The following STON2 variants were observed in gnomAD, a reference collection of about 807,000 sequenced individuals.
STON2 encodes the protein stonin-2.
Under a neutral mutation model 65.7 loss-of-function variants are expected in STON2, and 29 were observed. The observed-to-expected ratio is 0.44, with a 90% CI of 0.33 to 0.60. STON2 has a LOEUF of 0.60. Ranked by LOEUF, STON2 falls within the 20% of genes least tolerant of loss-of-function variation. STON2 has a pLI of 0.03. For missense variants in STON2, 1,054 were observed against 1,118.1 expected (o/e 0.94, Z 0.82); for synonymous variants, 404 against 414.2 (o/e 0.98, Z 0.30).
At chr14:81,421,341 A>C (rs1455876595) in intron 2 of STON2, among the ~76,000 whole-genome samples, 1 of 152,264 alleles carries the variant, frequency 6.6e-6, no homozygotes, top group Non-Finnish European at 1.5e-5. Flanking sequence ...GAGTCAGGTC[A>C]GACAGGGCCC....
At chr14:81,383,130 A>G (rs1899614184) in intron 3 of STON2, among the ~76,000 whole-genome samples, 1 of 152,196 alleles carries the variant, frequency 6.6e-6, no homozygotes, top group Non-Finnish European at 1.5e-5. Context: ...GAAGGAATAA[A>G]GTGAAGGAAA....
At chr14:81,386,106 C>T (rs1899789313) in intron 3 of STON2, among the ~76,000 whole-genome samples, 1 of 152,168 alleles carries the variant, frequency 6.6e-6, no homozygotes, top group Non-Finnish European at 1.5e-5. Context: ...GAGACGGCAT[C>T]AGCCCTGAGA....
intron 4 of STON2, among the ~76,000 whole-genome samples, chr14:81,361,726 T>C (rs537746571): frequency 6.6e-6 from 1 of 152,080 alleles, no homozygotes; most frequent in South Asian, 2.1e-4. Flanking sequence ...TTGGAGAAAA[T>C]ATTTGTAAGC....
At chr14:81,352,532 C>T (rs1446847389) in intron 4 of STON2, among the ~76,000 whole-genome samples, 4 of 152,142 alleles carry the variant, frequency 2.6e-5, no homozygotes, top group African/African-American at 9.7e-5. Context: ...TATACTCTCC[C>T]CTACAGGATT....
intron 7 of STON2, chr14:81,269,489 C>G: frequency 1.0e-6 from 1 of 985,416 alleles, no homozygotes; most frequent in Non-Finnish European, 1.2e-6. Context: ...TCTTTGAGCT[C>G]AGGGTTCAGG....
intron 2 of STON2, among the ~76,000 whole-genome samples, chr14:81,406,869 C>T (rs1900892721): frequency 6.6e-6 from 1 of 152,194 alleles, no homozygotes; most frequent in African/African-American, 2.4e-5. Context: ...ACTTCTGCTC[C>T]TCTCTCCCCA....
rs1319473111 is a variant in STON2, at chr14:81,262,048, A to AAG, written c.*6364_*6365dup. On this transcript the variant is annotated 3_prime_UTR_variant, in exon 8 of 8. Coordinates refer to ENST00000614646, the MANE Select transcript of STON2 (RefSeq NM_001394390.1). ...ATTTCTTGGTTCTTATAAACATAGGAAGAGTCACTGAAAGGTGGCACCAAT... is the reference window on the plus strand; with the variant it reads ...ATTTCTTGGTTCTTATAAACATAGGAAGAGAGTCACTGAAAGGTGGCACCAAT... 5.3e-6 allele frequency: 7 copies of AAG among 1,323,534 alleles called. No individual in the cohort carries two copies. Among genetic ancestry groups the AAG allele is most frequent in the Non-Finnish European group, 5.8e-6 (6 of 1,040,894 alleles). The allele number at this position is 1,323,534 out of a possible 1,614,324, so 82.0% of individuals were successfully genotyped here. A position where few individuals can be genotyped will look rare whatever the true frequency, so the allele number is the denominator to read the frequency against.
chr14:81,300,437 T>G (rs1209612049), intron 5 of STON2, among the ~76,000 whole-genome samples: 1 of 152,020 alleles, frequency 6.6e-6, no homozygotes, highest in Non-Finnish European at 1.5e-5. Flanking sequence ...ATAAATAAAT[T>G]GTACTTCATC....
At chr14:81,379,109 G>A (rs1215549638) in intron 3 of STON2, among the ~76,000 whole-genome samples, 1 of 152,136 alleles carries the variant, frequency 6.6e-6, no homozygotes, top group East Asian at 1.9e-4. Flanking sequence ...TGATATTTTT[G>A]TATATGTAAA....
Position 81,396,160 on chromosome 14 carries a change from AG to A in STON2, c.106del (p.Leu36SerfsTer93). 1 of 1,611,940 alleles carries A rather than the reference AG, an allele frequency of 6.2e-7. No individual in the cohort carries two copies. Among genetic ancestry groups the A allele is most frequent in the Non-Finnish European group, 8.5e-7 (1 of 1,178,944 alleles). On this transcript the variant is annotated frameshift_variant, in exon 3 of 8. Coordinates refer to ENST00000614646, the MANE Select transcript of STON2 (RefSeq NM_001394390.1). LOFTEE classifies it high-confidence loss of function. ...AHSQGGTEEH[L>X]PGLSSSPDQS... ...GTCTGGGGAAGATGACAGTCCTGGG[AG>A]GTGCTCTTCCGTGCCCCCTGAAACA...
chr14:81,372,045 G>T (rs758800912), intron 3 of STON2, among the ~76,000 whole-genome samples: 1 of 152,132 alleles, frequency 6.6e-6, no homozygotes, highest in Non-Finnish European at 1.5e-5. Context: ...GATTTACTGA[G>T]GCTGCCAACC....
At chr14:81,408,157 ACG>A (rs35458066) in intron 2 of STON2, among the ~76,000 whole-genome samples, 1,740 of 150,522 alleles carry the variant, frequency 0.012, 33 homozygotes, top group South Asian at 0.077. Context: ...ACACACACAC[ACG>A]CGCACACACA....
chr14:81,280,562 C>A (rs1467966730), intron 5 of STON2, among the ~76,000 whole-genome samples: 1 of 152,138 alleles, frequency 6.6e-6, no homozygotes, highest in Non-Finnish European at 1.5e-5. Context: ...CACCTCACTA[C>A]ATCTTCATGC....
rs533601410 is a variant in STON2 at position 81,295,810 on chromosome 14, G to T, written c.743-17071C>A. ...ATAAGTTTGTTTCTATAAATATCAA[G>T]AAATTAAATTTCTTAATAACTTTAA... On this transcript the variant is annotated intron_variant, in intron 5 of 7. Coordinates refer to ENST00000614646, the MANE Select transcript of STON2 (RefSeq NM_001394390.1). Among the ~76,000 whole-genome samples, 33 of 152,222 alleles carry T rather than the reference G, an allele frequency of 2.2e-4. No individual in the cohort carries two copies. The South Asian group carries it at 6.6e-3, about 31-fold the overall frequency.
At chr14:81,378,134 C>G (rs1012860559) in intron 3 of STON2, among the ~76,000 whole-genome samples, 2 of 152,042 alleles carry the variant, frequency 1.3e-5, no homozygotes, top group Non-Finnish European at 2.9e-5. Context: ...GCATGAGCCA[C>G]CACACCCAGC....
chr14:81,353,782 C>A (rs1177599008), intron 4 of STON2, among the ~76,000 whole-genome samples: 3 of 152,084 alleles, frequency 2.0e-5, no homozygotes, highest in African/African-American at 7.2e-5. Flanking sequence ...CACCTGGGGT[C>A]AGGTAGCAAC....
intron 7 of STON2, chr14:81,269,867 T>C (rs544361014): frequency 1.3e-4 from 130 of 985,328 alleles, no homozygotes; most frequent in Non-Finnish European, 1.5e-4. Flanking sequence ...TCCACAGCCC[T>C]GACCCTGTTA....
In STON2 at chr14:81,371,099, T is replaced by G; in HGVS notation, c.460A>C (p.Thr154Pro). Reference protein sequence around the residue: ...CPLTSESSWTTHSEDTSSPSF... With the variant: ...CPLTSESSWTPHSEDTSSPSF... The stretch of plus-strand genomic sequence containing the variant: ...GGACTGCTGGTGTCTTCAGAATGGG[T>G]GGTCCAGCTGCTCTCAGAAGTCAGA... Residue 154 changes from threonine to proline, a missense_variant, in exon 4 of 8, where the codon ACC becomes CCC. Physicochemically the swap from Thr to Pro is conservative, Grantham distance 38. Coordinates refer to ENST00000614646, the MANE Select transcript of STON2 (RefSeq NM_001394390.1). 6.2e-7 allele frequency: 1 copy of G among 1,614,062 alleles called. No homozygotes were observed. The highest frequency in any genetic ancestry group is 8.5e-7 in the Non-Finnish European group (1 of 1,179,998).
intron 3 of STON2, among the ~76,000 whole-genome samples, chr14:81,377,155 T>C (rs1899291330): frequency 6.6e-6 from 1 of 152,188 alleles, no homozygotes; most frequent in African/African-American, 2.4e-5. Context: ...ATTTCCCTCC[T>C]ACCTTGCCTC....
Sources: gnomAD v4.1 joint callset for allele counts (sites outside exome capture counted in the v4.1 genomes callset) on GRCh38, gnomAD v4.1.1 for gene constraint, MANE v1.5 for transcripts, NCBI Gene and HGNC (gene_info 2026-07-23, HGNC 2026-07-21) for gene names.